The following CHD1L variants were observed in gnomAD, a reference collection of about 807,000 sequenced individuals.
CHD1L encodes the protein chromodomain helicase DNA binding protein 1 like, also known as ATP-dependent chromatin remodeler CHD1L.
CHD1L carries 118 observed loss-of-function variants against 115.9 expected under a neutral mutation model. The ratio of observed to expected loss-of-function variants is 1.02; its 90% CI spans 0.88 to 1.19. The LOEUF (loss-of-function observed/expected upper bound fraction) is 1.19, where lower values mean the gene tolerates loss of function less well. CHD1L is among the 50% of genes most tolerant of loss of function. CHD1L has a pLI of 0.00. For synonymous variants in CHD1L, 411 were observed against 387.1 expected (o/e 1.06, Z -0.72); for missense variants, 1,179 against 1,065.3 (o/e 1.11, Z -1.49).
chr1:147,268,740 T>C, intron 9 of CHD1L, 42 bp from the exon 10 acceptor site: 1 of 1,513,134 alleles, frequency 6.6e-7, no homozygotes, highest in Admixed American at 1.7e-5. Context: ...CTTCTGCCCT[T>C]ACTGAGGGCA....
At chr1:147,201,914 G>T in the CHD1L span, among the ~76,000 whole-genome samples, 2 of 152,130 alleles carry the variant, frequency 1.3e-5, no homozygotes, top group Non-Finnish European at 2.9e-5. Flanking sequence ...CTAAGTTTAG[G>T]CCACTGTTTT....
the CHD1L span, among the ~76,000 whole-genome samples, chr1:147,190,938 G>GT: frequency 6.6e-6 from 1 of 151,902 alleles, no homozygotes; most frequent in Non-Finnish European, 1.5e-5. Context: ...GCGGTGTTTG[G>GT]TTTTTTCTCC....
the CHD1L span, chr1:147,211,466 T>C: frequency 1.3e-5 from 2 of 152,210 alleles, no homozygotes; most frequent in Admixed American, 6.5e-5. Context: ...TAGATGAGGA[T>C]AGCAATGAGA....
At chr1:147,186,532 C>T in the CHD1L span, 28 of 999,730 alleles carry the variant, frequency 2.8e-5, no homozygotes, top group Admixed American at 1.2e-4. Context: ...GTGGAGTAAG[C>T]GATTTTATAC....
the CHD1L span, among the ~76,000 whole-genome samples, chr1:147,202,309 G>GTCTTTTTTTTTTTTTTTTTT: frequency 1.7e-5 from 2 of 118,436 alleles, 1 homozygote; most frequent in African/African-American, 6.3e-5. Context: ...CTAAAAAGCA[G>GTCTTTTTTTTTTTTTTTTTT]TTCTTTTTTT....
intron 20 of CHD1L, 50 bp from the exon 21 acceptor site, chr1:147,293,558 A>C (rs375588960): frequency 1.0e-4 from 152 of 1,507,648 alleles, no homozygotes; most frequent in Non-Finnish European, 1.4e-4. Flanking sequence ...CACTTGGTTG[A>C]GTGTGGCTGT....
At chr1:147,218,555 T>G in the CHD1L span, among the ~76,000 whole-genome samples, 1 of 152,144 alleles carries the variant, frequency 6.6e-6, no homozygotes, top group Non-Finnish European at 1.5e-5. Context: ...AGAATTTACC[T>G]TCCACACCAC....
chr1:147,212,611 T>C, the CHD1L span: 1 of 1,390,724 alleles, frequency 7.2e-7, no homozygotes, highest in Non-Finnish European at 9.9e-7. Flanking sequence ...TTTGTTTTTT[T>C]TGCAGACTTA....
At chr1:147,229,109 C>T in the CHD1L span, among the ~76,000 whole-genome samples, 1 of 152,064 alleles carries the variant, frequency 6.6e-6, no homozygotes, top group Non-Finnish European at 1.5e-5. Context: ...AATGGTATTG[C>T]CTAGGTTTTC....
chr1:147,280,616 T>A (rs1559855908), intron 15 of CHD1L, among the ~76,000 whole-genome samples: 1 of 152,202 alleles, frequency 6.6e-6, no homozygotes, highest in Non-Finnish European at 1.5e-5. Context: ...TTTGCGTTCA[T>A]CAACAGTGCG....
chr1:147,183,020 A>T, the CHD1L span, among the ~76,000 whole-genome samples: 8 of 152,146 alleles, frequency 5.3e-5, no homozygotes, highest in African/African-American at 1.9e-4. Context: ...TAACACGATA[A>T]AACCCCGTCT....
At chr1:147,276,872 C>T (rs587765132) in intron 14 of CHD1L, among the ~76,000 whole-genome samples, 1 of 152,118 alleles carries the variant, frequency 6.6e-6, no homozygotes, top group Non-Finnish European at 1.5e-5. Flanking sequence ...TGTTTTTGCC[C>T]TAAGGATGAG....
intron 14 of CHD1L, among the ~76,000 whole-genome samples, chr1:147,278,195 G>A (rs756876948): frequency 4.7e-5 from 7 of 148,566 alleles, no homozygotes; most frequent in Non-Finnish European, 8.9e-5. Flanking sequence ...AGAAAGCAGG[G>A]GATTTTTGTT....
chr1:147,187,204 A>T, the CHD1L span: 2 of 1,613,922 alleles, frequency 1.2e-6, no homozygotes, highest in African/African-American at 1.3e-5. Flanking sequence ...CATGGTATCT[A>T]TGTAGTCTCC....
intron 16 of CHD1L, 76 bp downstream of exon 16, chr1:147,284,575 A>C: frequency 7.6e-7 from 1 of 1,311,884 alleles, no homozygotes; most frequent in Non-Finnish European, 1.0e-6. Flanking sequence ...TGATGCTGGC[A>C]TCGTTTTGTT....
At chr1:147,229,115 T>C in the CHD1L span, among the ~76,000 whole-genome samples, 1 of 152,142 alleles carries the variant, frequency 6.6e-6, no homozygotes, top group East Asian at 1.9e-4. Context: ...ATTGCCTAGG[T>C]TTTCTTCTAG....
intron 9 of CHD1L, 108 bp from the exon 10 acceptor site, chr1:147,268,674 A>C: frequency 2.5e-6 from 2 of 785,962 alleles, no homozygotes; most frequent in Non-Finnish European, 4.3e-6. Context: ...ATCATCATGC[A>C]AACAACTACT....
the CHD1L span, chr1:147,223,917 C>G: frequency 2.7e-6 from 1 of 364,768 alleles, no homozygotes. Flanking sequence ...GAGAAGAAAG[C>G]TGCTAGCAAA....
At chr1:147,200,069 G>T in the CHD1L span, among the ~76,000 whole-genome samples, 1 of 152,128 alleles carries the variant, frequency 6.6e-6, no homozygotes, top group Admixed American at 6.5e-5. Context: ...CCCCGGCCCA[G>T]TGAGCATTCA....
Sources: allele counts gnomAD v4.1 joint callset (sites outside exome capture counted in the v4.1 genomes callset), GRCh38; gene constraint gnomAD v4.1.1; transcripts MANE v1.5; gene names NCBI Gene and HGNC (gene_info 2026-07-23, HGNC 2026-07-21).